Variants in BABAM2 observed in about 807,000 individuals in gnomAD.
The protein encoded by BABAM2 is BRISC and BRCA1 A complex member 2.
In BABAM2, 31 loss-of-function variants were observed where a neutral mutation model predicts 54.7. That is an observed-to-expected ratio of 0.57 (90% CI 0.43 to 0.77). BABAM2 has a LOEUF of 0.77. BABAM2 is among the 30% of genes least tolerant of loss of function. The pLI, the probability that BABAM2 is intolerant of heterozygous loss-of-function variation, is 0.00. For missense variants in BABAM2, 364 were observed against 455.8 expected, an observed-to-expected ratio of 0.80 and a Z score of 1.83; for synonymous variants, 167 against 162.9, an observed-to-expected ratio of 1.03 and a Z score of -0.19.
At chr2:27,908,576 T>G (rs1171027355) in intron 2 of BABAM2, among the ~76,000 whole-genome samples, 2 of 152,222 alleles carry the variant, frequency 1.3e-5, no homozygotes, top group Middle Eastern at 3.4e-3. Context: ...TCGGCCCCAG[T>G]AGGTAGTTTT....
chr2:28,112,147 T>TTCCTTCCCTCCC (rs1558346715), intron 6 of BABAM2, among the ~76,000 whole-genome samples: 1 of 5,240 alleles, frequency 1.9e-4, no homozygotes, highest in Non-Finnish European at 3.2e-4. Context: ...CTTTCTTTCT[T>TTCCTTCCCTCCC]TACCTCCCTC....
Position 28,263,106 on chromosome 2 carries a change from T to A in BABAM2, c.934+18244T>A, listed in dbSNP as rs1397210048. ...AAAAATATGGTATGATTCCACTTAT[T>A]TGAGGTAACAGCAAGACACTGTCTC... On this transcript the variant is annotated intron_variant, in intron 10 of 11. Coordinates refer to ENST00000379624, the MANE Select transcript of BABAM2 (RefSeq NM_199191.3). 2.0e-5 allele frequency among the ~76,000 whole-genome samples: 3 copies of A among 147,408 alleles called. No individual in the cohort carries two copies. The East Asian group carries it at 5.9e-4, about 29-fold the overall frequency.
chr2:28,149,891 A>C (rs971047417), intron 7 of BABAM2, among the ~76,000 whole-genome samples: 1 of 152,216 alleles, frequency 6.6e-6, no homozygotes, highest in South Asian at 2.1e-4. Flanking sequence ...GTACCTTTGC[A>C]TATTTTATAC....
chr2:28,261,613 C>G (rs1179535543), intron 10 of BABAM2, among the ~76,000 whole-genome samples: 1 of 152,172 alleles, frequency 6.6e-6, no homozygotes, highest in Non-Finnish European at 1.5e-5. Context: ...GCTGGGATTA[C>G]AGGCGTGAGC....
chr2:27,986,405 A>T (rs1253402729), intron 3 of BABAM2, among the ~76,000 whole-genome samples: 1 of 151,958 alleles, frequency 6.6e-6, no homozygotes, highest in African/African-American at 2.4e-5. Flanking sequence ...GGCAAAGTTC[A>T]AATATTTATT....
chr2:27,969,357 G>A (rs1233368164), intron 3 of BABAM2, among the ~76,000 whole-genome samples: 1 of 152,210 alleles, frequency 6.6e-6, no homozygotes, highest in Non-Finnish European at 1.5e-5. Flanking sequence ...GGGTGGGGAA[G>A]AGAAAGAGAG....
chr2:27,941,726 G>A (rs1317362488), intron 3 of BABAM2, among the ~76,000 whole-genome samples: 3 of 151,930 alleles, frequency 2.0e-5, no homozygotes, highest in Non-Finnish European at 4.4e-5. Flanking sequence ...ATTGTGATAC[G>A]AATAATATAT....
intron 7 of BABAM2, among the ~76,000 whole-genome samples, chr2:28,209,386 G>A (rs185763831): frequency 6.6e-6 from 1 of 152,312 alleles, no homozygotes; most frequent in East Asian, 1.9e-4. Context: ...CAAATTGGAG[G>A]TGGGAACTTT....
chr2:28,037,898 A>G (rs916232322), intron 5 of BABAM2, among the ~76,000 whole-genome samples: 1 of 152,234 alleles, frequency 6.6e-6, no homozygotes, highest in African/African-American at 2.4e-5. Context: ...AAGAAGGGAA[A>G]GCAGAGCCTT....
chr2:28,149,182 A>C (rs775959445), intron 7 of BABAM2, among the ~76,000 whole-genome samples: 1 of 152,188 alleles, frequency 6.6e-6, no homozygotes, highest in Non-Finnish European at 1.5e-5. Flanking sequence ...GCCGAGTATA[A>C]CTTAAATGTT....
intron 10 of BABAM2, among the ~76,000 whole-genome samples, chr2:28,278,044 T>A (rs1686028521): frequency 6.6e-6 from 1 of 152,242 alleles, no homozygotes; most frequent in South Asian, 2.1e-4. Context: ...ATTCGTGGGC[T>A]GATGCAATCC....
At chr2:28,269,696 A>G (rs1053076741) in intron 10 of BABAM2, among the ~76,000 whole-genome samples, 2 of 152,228 alleles carry the variant, frequency 1.3e-5, no homozygotes, top group African/African-American at 4.8e-5. Context: ...TTTGTTTAAC[A>G]AGGTTTCTAC....
chr2:28,182,571 G>A (rs1277410840), intron 7 of BABAM2, among the ~76,000 whole-genome samples: 1 of 152,182 alleles, frequency 6.6e-6, no homozygotes, highest in Non-Finnish European at 1.5e-5. Context: ...CTACAATCAT[G>A]GCAGATCAGT....
intron 7 of BABAM2, among the ~76,000 whole-genome samples, chr2:28,176,590 A>AAAAAAAAAAAAAAAAAAAT (rs1375330409): frequency 6.9e-6 from 1 of 145,492 alleles, no homozygotes; most frequent in Non-Finnish European, 1.5e-5. Flanking sequence ...AAAAAAAAAA[A>AAAAAAAAAAAAAAAAAAAT]AAAAAACCTC....
chr2:27,897,130 T>A (rs1665400419), intron 2 of BABAM2: 1 of 153,092 alleles, frequency 6.5e-6, no homozygotes, highest in Middle Eastern at 1.9e-3. Flanking sequence ...GGATGGACTC[T>A]GAGACAACCA....
At chr2:28,025,147 C>A in intron 4 of BABAM2, 79 bp from the exon 5 acceptor site, 1 of 1,294,604 alleles carries the variant, frequency 7.7e-7, no homozygotes, top group Non-Finnish European at 1.1e-6. Context: ...TTTTCCTCTA[C>A]ATTGATGTGT....
chr2:28,118,363 A>T (rs555880017), intron 6 of BABAM2, among the ~76,000 whole-genome samples: 1 of 152,300 alleles, frequency 6.6e-6, no homozygotes, highest in Admixed American at 6.5e-5. Context: ...CTGTTTCTCC[A>T]CAACCTCGCC....
upstream of BABAM2, among the ~76,000 whole-genome samples, chr2:27,888,971 GCA>G (rs1442509875): frequency 6.6e-6 from 1 of 152,116 alleles, no homozygotes; most frequent in African/African-American, 2.4e-5. Flanking sequence ...TTTTATCTTG[GCA>G]CAGTGTCTGA....
chr2:28,308,474 C>A (rs1572389343), intron 11 of BABAM2: 1 of 529,484 alleles, frequency 1.9e-6, no homozygotes, highest in Admixed American at 1.9e-5. Flanking sequence ...TCAAAGCCAA[C>A]AAGCACCAGA....
Sources: gnomAD v4.1 joint callset for allele counts (sites outside exome capture counted in the v4.1 genomes callset) on GRCh38, gnomAD v4.1.1 for gene constraint, MANE v1.5 for transcripts, NCBI Gene and HGNC (gene_info 2026-07-23, HGNC 2026-07-21) for gene names.